PALD1: variants seen among roughly 807,000 people sequenced by gnomAD.
The protein encoded by PALD1 is phosphatase domain containing paladin 1.
In PALD1, 57 loss-of-function variants were observed where a neutral mutation model predicts 96.0. That is an observed-to-expected ratio of 0.59 (90% confidence interval 0.48 to 0.74). The LOEUF is 0.74. Among genes scored for constraint, PALD1 ranks in the 30% least tolerant of loss-of-function variants. The probability of loss-of-function intolerance (pLI) is 0.00; values close to 1 mark genes in which losing one functional copy is unlikely to be tolerated. For missense variants in PALD1, 1,063 were observed against 1,143.7 expected (o/e 0.93, Z 1.02); for synonymous variants, 464 against 473.6 (o/e 0.98, Z 0.26).
At chr10:70,565,847 G>A (rs1847837624) in intron 19 of PALD1, among the ~76,000 whole-genome samples, 1 of 152,074 alleles carries the variant, frequency 6.6e-6, no homozygotes, top group African/African-American at 2.4e-5. Context: ...GCAGAAGTTG[G>A]GGGAGCCTGG....
At position 70,547,289 on chromosome 10, in the gene PALD1, C is replaced by A; in HGVS notation, c.2122-17C>A. The A allele has an allele frequency of 1.2e-6, 2 of 1,612,674 alleles. No homozygotes were observed. Among genetic ancestry groups the A allele is most frequent in the South Asian group, 2.2e-5 (2 of 91,038 alleles). Reference sequence around the variant, plus strand: ...TTACCAGTTTTATGTCTGCTCACCCCCCTTCTCTGGCCCCAGGTAGTAATG... The same window carrying A: ...TTACCAGTTTTATGTCTGCTCACCCACCTTCTCTGGCCCCAGGTAGTAATG... On this transcript the variant is annotated splice_polypyrimidine_tract_variant and intron_variant, in intron 17 of 19. Coordinates refer to ENST00000263563, the MANE Select transcript of PALD1 (RefSeq NM_014431.3).
At chr10:70,471,021 T>C in the PALD1 span, among the ~76,000 whole-genome samples, 1 of 151,984 alleles carries the variant, frequency 6.6e-6, no homozygotes, top group African/African-American at 2.4e-5. Context: ...GGTTTCACCA[T>C]GTTGGCCAGG....
At chr10:70,470,571 A>T in the PALD1 span, among the ~76,000 whole-genome samples, 4 of 142,228 alleles carry the variant, frequency 2.8e-5, no homozygotes, top group Non-Finnish European at 6.0e-5. Context: ...ATAATAAATA[A>T]TATTATTTTT....
intron 1 of PALD1, among the ~76,000 whole-genome samples, chr10:70,525,359 T>A (rs923513216): frequency 6.6e-5 from 10 of 152,164 alleles, no homozygotes; most frequent in Admixed American, 5.2e-4. Context: ...CCTGGTATTT[T>A]CTTTGAACAC....
At chr10:70,474,762 T>A (rs1845802332), upstream of PALD1, among the ~76,000 whole-genome samples, 1 of 152,214 alleles carries the variant, frequency 6.6e-6, no homozygotes, top group Non-Finnish European at 1.5e-5. Context: ...AAGAAGGATA[T>A]AATCAATAAA....
intron 3 of PALD1, among the ~76,000 whole-genome samples, chr10:70,529,548 A>G (rs1490169448): frequency 6.6e-6 from 1 of 151,588 alleles, no homozygotes; most frequent in African/African-American, 2.4e-5. Context: ...CTTCCAGGGG[A>G]GCTCCTACCC....
chr10:70,479,817 C>T (rs1250063332), intron 1 of PALD1, among the ~76,000 whole-genome samples: 3 of 152,196 alleles, frequency 2.0e-5, no homozygotes, highest in Non-Finnish European at 4.4e-5. Context: ...GGCCGAGCAC[C>T]TCTTAAATGC....
chr10:70,565,648 G>A (rs1163668764), intron 19 of PALD1, among the ~76,000 whole-genome samples: 3 of 152,162 alleles, frequency 2.0e-5, no homozygotes, highest in African/African-American at 7.2e-5. Flanking sequence ...GACGTCAGGT[G>A]GAGAAGCATT....
intron 1 of PALD1, among the ~76,000 whole-genome samples, chr10:70,503,180 G>A (rs1291785968): frequency 6.6e-6 from 1 of 152,060 alleles, no homozygotes; most frequent in African/African-American, 2.4e-5. Flanking sequence ...ATGCCCAGCC[G>A]ATTTCTGGGT....
upstream of PALD1, among the ~76,000 whole-genome samples, chr10:70,474,534 T>A (rs1417308609): frequency 6.6e-6 from 1 of 152,146 alleles, no homozygotes; most frequent in Non-Finnish European, 1.5e-5. Flanking sequence ...ACCACTGCAC[T>A]CCAGCCTGAG....
rs556123182 is a variant in PALD1 at position 70,567,982 on chromosome 10, C to G, written c.*1249C>G. ...AGGAAAGCCTGTCTTTGGTTAGGCT[C>G]GTGTACTTCTGCAGGAAAAAAAAAA... On this transcript the variant is annotated 3_prime_UTR_variant, in exon 20 of 20. Coordinates refer to ENST00000263563, the MANE Select transcript of PALD1 (RefSeq NM_014431.3). 1.3e-5 allele frequency: 2 copies of G among 148,784 alleles called. No individual in the cohort carries two copies. The highest frequency in any genetic ancestry group is 3.5e-3 in the Middle Eastern group (1 of 288). 9.2% of individuals were successfully genotyped at this position (148,784 alleles called of 1,614,324 possible). A position where few individuals can be genotyped will look rare whatever the true frequency, so the allele number is the denominator to read the frequency against.
intron 18 of PALD1, among the ~76,000 whole-genome samples, chr10:70,560,981 G>A (rs752494105): frequency 6.6e-6 from 1 of 152,156 alleles, no homozygotes; most frequent in African/African-American, 2.4e-5. Flanking sequence ...ATAGGAAGAT[G>A]GGCAATTGTC....
chr10:70,507,742 T>TGTGTGC (rs1846419238), intron 1 of PALD1, among the ~76,000 whole-genome samples: 1 of 72,248 alleles, frequency 1.4e-5, no homozygotes, highest in African/African-American at 4.6e-5. Context: ...TTGTATGTTT[T>TGTGTGC]GTGTGTGCGT....
At chr10:70,517,693 C>A (rs1023293337) in intron 1 of PALD1, among the ~76,000 whole-genome samples, 9 of 152,028 alleles carry the variant, frequency 5.9e-5, no homozygotes, top group African/African-American at 1.9e-4. Flanking sequence ...GTGTGGCCAC[C>A]ACATTCAGTA....
chr10:70,513,008 C>T (rs535446424), intron 1 of PALD1, among the ~76,000 whole-genome samples: 14 of 152,286 alleles, frequency 9.2e-5, no homozygotes, highest in African/African-American at 3.4e-4. Context: ...CTCCTGAGAC[C>T]GACCCCTTTT....
chr10:70,496,091 G>A lies in PALD1; in HGVS notation c.-30+17032G>A, dbSNP rs576634867. ...ACCAACAAAGAAAATTTTAAAAAGG[G>A]GAAGAAATATCCCATTAGGGAGTAT... On this transcript the variant is annotated intron_variant, in intron 1 of 19. Transcript: ENST00000263563. Among the ~76,000 whole-genome samples the A allele has an allele frequency of 4.0e-4, 61 of 151,724 alleles. 1 individual carries two copies. In the South Asian group the frequency reaches 4.6e-3, roughly 11 times the overall value.
chr10:70,472,363 C>T, the PALD1 span, among the ~76,000 whole-genome samples: 3 of 152,240 alleles, frequency 2.0e-5, no homozygotes, highest in Non-Finnish European at 2.9e-5. Context: ...CGGGTTCAAG[C>T]GATTCTCCTG....
chr10:70,463,260 C>T, the PALD1 span, among the ~76,000 whole-genome samples: 5 of 152,048 alleles, frequency 3.3e-5, no homozygotes, highest in Non-Finnish European at 7.4e-5. Flanking sequence ...AAAAATTAGC[C>T]GGGCATGGTG....
intron 19 of PALD1, among the ~76,000 whole-genome samples, chr10:70,565,780 G>A (rs1847835632): frequency 6.6e-6 from 1 of 152,178 alleles, no homozygotes; most frequent in Non-Finnish European, 1.5e-5. Flanking sequence ...GAGCCCCTGG[G>A]GAGGGGTGGA....
Sources: gnomAD v4.1 joint callset for allele counts (sites outside exome capture counted in the v4.1 genomes callset) on GRCh38, gnomAD v4.1.1 for gene constraint, MANE v1.5 for transcripts, NCBI Gene and HGNC (gene_info 2026-07-23, HGNC 2026-07-21) for gene names.